Variants in MEGF11 observed in about 807,000 individuals in gnomAD.
The protein encoded by MEGF11 is multiple epidermal growth factor-like domains protein 11.
Under a neutral mutation model 146.6 loss-of-function variants are expected in MEGF11, and 126 were observed. The ratio of observed to expected loss-of-function variants is 0.86; its 90% CI spans 0.74 to 1.00. The LOEUF is 1.00. Among genes scored for constraint, MEGF11 ranks in the 50% least tolerant of loss-of-function variants. The pLI, the probability that MEGF11 is intolerant of heterozygous loss-of-function variation, is 0.00. For missense variants in MEGF11, 1,509 were observed against 1,521.2 expected (o/e 0.99, Z 0.13); for synonymous variants, 532 against 583.4 (o/e 0.91, Z 1.27).
rs1354420640 is a variant in MEGF11, at chr15:66,119,177, A to T, written c.210T>A (p.Tyr70Ter). The T allele has an allele frequency of 1.3e-6, 2 of 1,551,006 alleles. No individual in the cohort carries two copies. Among genetic ancestry groups the T allele is most frequent in the Non-Finnish European group, 1.7e-6 (2 of 1,146,794 alleles). The change falls in exon 4 of 26, where the codon TAT becomes TAA. Residue 70 changes from tyrosine to a stop codon, truncating the protein, a stop_gained. Coordinates refer to ENST00000395614, the MANE Select transcript of MEGF11 (RefSeq NM_001385028.1). LOFTEE classifies it high-confidence loss of function. ...WFKCTRHRIS[Y>*]KTAYRRGLRT... Reference sequence around the variant, plus strand: ...GGAGGCCTCTCCGATACGCCGTCTTATAACTGATCCTAAGGCACAAGGGAG... The same window carrying T: ...GGAGGCCTCTCCGATACGCCGTCTTTTAACTGATCCTAAGGCACAAGGGAG...
Position 66,076,778 on chromosome 15 carries a change from C to T in MEGF11, c.394+17624G>A, listed in dbSNP as rs189373839. On this transcript the variant is annotated intron_variant, in intron 5 of 25. Transcript: ENST00000395614. Reference sequence around the variant, plus strand: ...GTCATCTTCTGCCCAGATCCATTCACCAACTCTTAATCACAGCAATCTCCC... The same window carrying T: ...GTCATCTTCTGCCCAGATCCATTCATCAACTCTTAATCACAGCAATCTCCC... Among the ~76,000 whole-genome samples the T allele has an allele frequency of 1.2e-4, 18 of 152,298 alleles. No individual in the cohort carries two copies. In the East Asian group the frequency reaches 3.3e-3, roughly 28 times the overall value.
rs2078346313 is a variant in MEGF11 at position 65,895,649 on chromosome 15, A to AGC, written c.*2283_*2284dup. ...TGATAACTGTTCGATAGGGGAAGGC[A>AGC]GCTATTGTCACCATAATCACACCCT... On this transcript the variant is annotated 3_prime_UTR_variant, in exon 26 of 26. Coordinates refer to ENST00000395614, the MANE Select transcript of MEGF11 (RefSeq NM_001385028.1). The AGC allele has an allele frequency of 6.6e-6, 1 of 152,652 alleles. No individual in the cohort carries two copies. 9.5% of individuals were successfully genotyped at this position (152,652 alleles called of 1,614,324 possible).
At chr15:65,912,925 G>A (rs1339552798) in intron 20 of MEGF11, among the ~76,000 whole-genome samples, 2 of 152,188 alleles carry the variant, frequency 1.3e-5, no homozygotes, top group African/African-American at 4.8e-5. Context: ...CATGAGCCAC[G>A]TGCCATGGAG....
intron 5 of MEGF11, among the ~76,000 whole-genome samples, chr15:66,027,654 C>T (rs894776449): frequency 6.6e-6 from 1 of 152,122 alleles, no homozygotes; most frequent in African/African-American, 2.4e-5. Flanking sequence ...TGGGCCCCTC[C>T]CTTGATGATT....
intron 1 of MEGF11, among the ~76,000 whole-genome samples, chr15:66,234,824 A>G (rs1270652722): frequency 6.6e-6 from 1 of 152,178 alleles, no homozygotes; most frequent in Non-Finnish European, 1.5e-5. Flanking sequence ...CTCCCTGTTC[A>G]TAAAACGCTG....
At chr15:66,022,131 C>T (rs1471515787) in intron 5 of MEGF11, among the ~76,000 whole-genome samples, 4 of 152,244 alleles carry the variant, frequency 2.6e-5, no homozygotes, top group Non-Finnish European at 5.9e-5. Context: ...GAGGGCCACC[C>T]TGGCCCTGGG....
At chr15:65,925,638 C>A (rs1018326421) in intron 13 of MEGF11, among the ~76,000 whole-genome samples, 1 of 152,144 alleles carries the variant, frequency 6.6e-6, no homozygotes, top group East Asian at 1.9e-4. Flanking sequence ...TAGGGATAGT[C>A]CCCCTCAGAG....
intron 10 of MEGF11, among the ~76,000 whole-genome samples, chr15:65,956,432 C>T (rs1321622604): frequency 1.3e-5 from 2 of 152,226 alleles, no homozygotes; most frequent in East Asian, 1.9e-4. Flanking sequence ...TGATAGCAAC[C>T]TTGCGAGGCA....
chr15:66,036,905 C>T (rs556543035), intron 5 of MEGF11, among the ~76,000 whole-genome samples: 41 of 152,326 alleles, frequency 2.7e-4, no homozygotes, highest in African/African-American at 9.9e-4. Context: ...TTCCTCCTTG[C>T]ATTTTTTCTT....
chr15:66,051,331 A>G (rs2084436870), intron 5 of MEGF11, among the ~76,000 whole-genome samples: 1 of 152,072 alleles, frequency 6.6e-6, no homozygotes, highest in African/African-American at 2.4e-5. Flanking sequence ...TCCATTTTCC[A>G]TGCCAGACAA....
chr15:66,000,524 C>T (rs1306017972), intron 5 of MEGF11, among the ~76,000 whole-genome samples: 1 of 147,992 alleles, frequency 6.8e-6, no homozygotes, highest in Non-Finnish European at 1.5e-5. Context: ...AGAGAGAGAA[C>T]TGTCTCTTTG....
intron 5 of MEGF11, among the ~76,000 whole-genome samples, chr15:66,056,354 A>AAAATAGGAGCCCCAGTCAG: frequency 6.6e-6 from 1 of 152,296 alleles, no homozygotes; most frequent in Middle Eastern, 3.4e-3. Flanking sequence ...ACAGGAGATC[A>AAAATAGGAGCCCCAGTCAG]AAATAGGAGC....
At chr15:66,036,379 G>T (rs750153138) in intron 5 of MEGF11, among the ~76,000 whole-genome samples, 5 of 152,208 alleles carry the variant, frequency 3.3e-5, no homozygotes, top group Non-Finnish European at 1.5e-5. Context: ...TATTGCTTTT[G>T]CTCTCTGCAT....
intron 5 of MEGF11, among the ~76,000 whole-genome samples, chr15:66,021,725 G>A (rs2083140267): frequency 6.6e-6 from 1 of 152,210 alleles, no homozygotes; most frequent in Non-Finnish European, 1.5e-5. Context: ...TTGGCAAAGT[G>A]TGGAACTAAG....
chr15:66,078,056 G>A (rs1422898166), intron 5 of MEGF11, among the ~76,000 whole-genome samples: 2 of 152,146 alleles, frequency 1.3e-5, no homozygotes, highest in Non-Finnish European at 2.9e-5. Flanking sequence ...GGGAGGGAAG[G>A]CAGAGGGCAT....
At chr15:65,942,354 T>G (rs1567168493) in intron 10 of MEGF11, among the ~76,000 whole-genome samples, 1 of 152,224 alleles carries the variant, frequency 6.6e-6, no homozygotes, top group Non-Finnish European at 1.5e-5. Context: ...TGGGGGCTTA[T>G]GGAGGGAACT....
At chr15:66,065,732 G>C (rs1010885019) in intron 5 of MEGF11, among the ~76,000 whole-genome samples, 1 of 152,222 alleles carries the variant, frequency 6.6e-6, no homozygotes, top group Non-Finnish European at 1.5e-5. Context: ...GCTTGAAAAT[G>C]AGATTTTTTC....
At chr15:65,920,270 G>A (rs1332885190) in intron 15 of MEGF11, among the ~76,000 whole-genome samples, 1 of 152,222 alleles carries the variant, frequency 6.6e-6, no homozygotes, top group Non-Finnish European at 1.5e-5. Context: ...TCCCCTGGCA[G>A]AAACCTTGGC....
At chr15:66,190,853 A>AT (rs1466897253) in intron 1 of MEGF11, among the ~76,000 whole-genome samples, 3 of 152,132 alleles carry the variant, frequency 2.0e-5, no homozygotes, top group Admixed American at 2.0e-4. Flanking sequence ...ATTTGCATAA[A>AT]TTTGCTTGTT....
Sources: allele counts gnomAD v4.1 joint callset (sites outside exome capture counted in the v4.1 genomes callset), GRCh38; gene constraint gnomAD v4.1.1; transcripts MANE v1.5; gene names NCBI Gene and HGNC (gene_info 2026-07-23, HGNC 2026-07-21).